TNS3: variants seen among roughly 807,000 people sequenced by gnomAD.
TNS3 encodes tensin 3.
A neutral mutation model predicts 140.9 loss-of-function variants in TNS3; 45 were observed. That is an observed-to-expected ratio of 0.32 (90% CI 0.25 to 0.41). TNS3 has a LOEUF of 0.41. TNS3 is among the 10% of genes least tolerant of loss of function. The pLI is 1.00. For synonymous variants in TNS3, 815 were observed against 788.4 expected (o/e 1.03, Z -0.56); for missense variants, 1,716 against 1,906.7 (o/e 0.90, Z 1.86).
rs549055196 is a variant in TNS3 at position 47,360,860 on chromosome 7, C to T, written c.2281+7505G>A. Among the ~76,000 whole-genome samples, 3 of 152,280 alleles carry T rather than the reference C, an allele frequency of 2.0e-5. No individual in the cohort carries two copies. In the South Asian group the frequency reaches 6.2e-4, roughly 32 times the overall value. ...AACTGGGCACTGCTCAGTTATAACA[C>T]ACAGTACGGAAATAACGACACCTGG... On this transcript the variant is annotated intron_variant, in intron 17 of 30. Transcript: ENST00000311160.
At chr7:47,565,950 T>C (rs542479469) in intron 1 of TNS3, among the ~76,000 whole-genome samples, 1 of 152,302 alleles carries the variant, frequency 6.6e-6, no homozygotes, top group East Asian at 1.9e-4. Context: ...TGGCATGATA[T>C]GCGTGGATTA....
chr7:47,422,879 A>C (rs1028951417), intron 10 of TNS3, among the ~76,000 whole-genome samples: 70 of 147,802 alleles, frequency 4.7e-4, no homozygotes, highest in Non-Finnish European at 5.1e-4. Context: ...CCAAAAAAAA[A>C]CAAAAAAAAA....
intron 10 of TNS3, among the ~76,000 whole-genome samples, chr7:47,417,122 T>C (rs1794122698): frequency 6.6e-6 from 1 of 152,210 alleles, no homozygotes; most frequent in Non-Finnish European, 1.5e-5. Flanking sequence ...CCTGCAAACA[T>C]GGAAGACTCT....
At chr7:47,332,963 T>C (rs1221179201) in intron 20 of TNS3, among the ~76,000 whole-genome samples, 2 of 152,116 alleles carry the variant, frequency 1.3e-5, no homozygotes, top group Admixed American at 1.3e-4. Flanking sequence ...AGCTGATAAA[T>C]AAATTTAGAA....
intron 1 of TNS3, among the ~76,000 whole-genome samples, chr7:47,575,295 A>T (rs1176969704): frequency 6.6e-6 from 1 of 152,226 alleles, no homozygotes; most frequent in Non-Finnish European, 1.5e-5. Context: ...TGACTTTAAA[A>T]TGCAGGATAC....
intron 20 of TNS3, among the ~76,000 whole-genome samples, chr7:47,315,243 C>T (rs1373244091): frequency 2.6e-5 from 4 of 152,206 alleles, no homozygotes; most frequent in African/African-American, 9.6e-5. Context: ...GGCATAATAC[C>T]GTTAGTGTGT....
chr7:47,459,393 C>T (rs541260053), intron 4 of TNS3, among the ~76,000 whole-genome samples: 4 of 152,092 alleles, frequency 2.6e-5, no homozygotes, highest in Non-Finnish European at 5.9e-5. Context: ...TATCCCCTTT[C>T]CAAAAAAGAA....
intron 2 of TNS3, among the ~76,000 whole-genome samples, chr7:47,527,995 A>G (rs1380022618): frequency 2.0e-5 from 3 of 151,978 alleles, no homozygotes; most frequent in African/African-American, 7.3e-5. Flanking sequence ...CCTTGGATGC[A>G]GATCTAGATG....
At chr7:47,461,205 G>A (rs529347221) in intron 4 of TNS3, among the ~76,000 whole-genome samples, 9 of 152,314 alleles carry the variant, frequency 5.9e-5, no homozygotes, top group African/African-American at 2.2e-4. Context: ...ATTGGAAGCT[G>A]AACCAGGCTG....
intron 8 of TNS3, among the ~76,000 whole-genome samples, chr7:47,429,927 T>C (rs1368470106): frequency 2.0e-5 from 3 of 152,122 alleles, no homozygotes; most frequent in African/African-American, 7.2e-5. Flanking sequence ...TGCAGCTGAA[T>C]CCTGGCACGT....
At chr7:47,560,361 T>A (rs1445812507) in intron 1 of TNS3, among the ~76,000 whole-genome samples, 1 of 152,090 alleles carries the variant, frequency 6.6e-6, no homozygotes, top group Non-Finnish European at 1.5e-5. Flanking sequence ...ACTTCCAGCC[T>A]CCAGAACTGT....
At chr7:47,362,762 G>A (rs1398381156) in intron 17 of TNS3, among the ~76,000 whole-genome samples, 8 of 126,106 alleles carry the variant, frequency 6.3e-5, no homozygotes, top group East Asian at 5.0e-4. Flanking sequence ...AGTCATCACC[G>A]TCATCATCAC....
intron 16 of TNS3, among the ~76,000 whole-genome samples, chr7:47,382,684 C>A (rs928269936): frequency 2.0e-5 from 3 of 151,960 alleles, no homozygotes; most frequent in Non-Finnish European, 4.4e-5. Context: ...CCCACCACCC[C>A]CTGTGAGTAT....
At chr7:47,566,767 C>T (rs180710212) in intron 1 of TNS3, among the ~76,000 whole-genome samples, 5 of 152,264 alleles carry the variant, frequency 3.3e-5, no homozygotes, top group African/African-American at 4.8e-5. Flanking sequence ...TGGCCGGGCA[C>T]GGTAACTCAT....
At chr7:47,438,521 C>T (rs1446040678) in intron 6 of TNS3, among the ~76,000 whole-genome samples, 1 of 152,176 alleles carries the variant, frequency 6.6e-6, no homozygotes, top group Admixed American at 6.5e-5. Flanking sequence ...GAGGCACCAC[C>T]ATCAAATGGG....
intron 4 of TNS3, among the ~76,000 whole-genome samples, chr7:47,448,469 G>A (rs1005108921): frequency 3.6e-5 from 5 of 140,582 alleles, no homozygotes; most frequent in South Asian, 2.2e-4. Flanking sequence ...ACTCTGGTGG[G>A]AATTCGATTT....
chr7:47,517,113 C>A (rs566531729), intron 2 of TNS3, among the ~76,000 whole-genome samples: 49 of 152,302 alleles, frequency 3.2e-4, no homozygotes, highest in African/African-American at 1.2e-3. Flanking sequence ...CCAATTCAGC[C>A]TGGTGTACTT....
chr7:47,579,120 G>A (rs984357763), intron 1 of TNS3: 12 of 152,154 alleles, frequency 7.9e-5, no homozygotes, highest in African/African-American at 2.9e-4. Flanking sequence ...TTGCTGTGAG[G>A]AAGAGAGTAA....
chr7:47,458,000 C>CA (rs1387755167), intron 4 of TNS3, among the ~76,000 whole-genome samples: 7 of 151,870 alleles, frequency 4.6e-5, no homozygotes, highest in Admixed American at 2.6e-4. Context: ...TCTGAGGCAC[C>CA]AAAAAAAGGA....
Sources: allele counts gnomAD v4.1 joint callset (sites outside exome capture counted in the v4.1 genomes callset), GRCh38; gene constraint gnomAD v4.1.1; transcripts MANE v1.5; gene names NCBI Gene and HGNC (gene_info 2026-07-23, HGNC 2026-07-21).